The following MAGI2 variants were observed in gnomAD, a reference collection of about 807,000 sequenced individuals.
MAGI2 encodes membrane-associated guanylate kinase, WW and PDZ domain-containing protein 2.
A neutral mutation model predicts 133.3 loss-of-function variants in MAGI2; 35 were observed. That is an observed-to-expected ratio of 0.26 (90% CI 0.20 to 0.35). MAGI2 has a LOEUF of 0.35. Among genes scored for constraint, MAGI2 ranks in the 10% least tolerant of loss-of-function variants. The probability of loss-of-function intolerance (pLI) is 1.00; values close to 1 mark genes in which losing one functional copy is unlikely to be tolerated. For missense variants in MAGI2, 1,636 were observed against 1,863.4 expected (o/e 0.88, Z 2.25); for synonymous variants, 729 against 710.6 (o/e 1.03, Z -0.41).
chr7:78,640,437 A>G (rs577948421), intron 2 of MAGI2, among the ~76,000 whole-genome samples: 3 of 152,378 alleles, frequency 2.0e-5, no homozygotes, highest in South Asian at 4.1e-4. Context: ...GAAATTTTAA[A>G]AGAGAGCTAA....
chr7:78,731,315 C>A (rs2151225618), intron 2 of MAGI2, among the ~76,000 whole-genome samples: 1 of 152,186 alleles, frequency 6.6e-6, no homozygotes, highest in South Asian at 2.1e-4. Flanking sequence ...TCCTACACAC[C>A]ATCTGTGTCT....
At chr7:79,074,595 G>C (rs1297490476) in intron 1 of MAGI2, among the ~76,000 whole-genome samples, 2 of 152,170 alleles carry the variant, frequency 1.3e-5, no homozygotes, top group Non-Finnish European at 2.9e-5. Context: ...AGCTCAAATG[G>C]TTGGCTGAAA....
intron 1 of MAGI2, among the ~76,000 whole-genome samples, chr7:79,337,200 A>C (rs1472944660): frequency 6.6e-6 from 1 of 152,178 alleles, no homozygotes; most frequent in South Asian, 2.1e-4. Flanking sequence ...AAGAAACACC[A>C]AAAAGTCTAT....
intron 6 of MAGI2, among the ~76,000 whole-genome samples, chr7:78,387,268 T>A (rs1167085482): frequency 6.6e-6 from 1 of 152,262 alleles, no homozygotes; most frequent in African/African-American, 2.4e-5. Flanking sequence ...GGACTCAGGG[T>A]GTGAAGTCTT....
At chr7:78,518,497 G>A (rs1191515666) in intron 4 of MAGI2, 3 of 152,084 alleles carry the variant, frequency 2.0e-5, no homozygotes, top group East Asian at 3.9e-4. Flanking sequence ...ATGAGGTTAG[G>A]CCACTCCTAA....
At chr7:78,232,000 G>A (rs1790027570) in intron 10 of MAGI2, among the ~76,000 whole-genome samples, 1 of 151,956 alleles carries the variant, frequency 6.6e-6, no homozygotes, top group Admixed American at 6.6e-5. Context: ...CTGGTGTTTG[G>A]GGGAGGGTGG....
chr7:78,354,482 A>G (rs1038528223), intron 7 of MAGI2, among the ~76,000 whole-genome samples: 22 of 152,164 alleles, frequency 1.4e-4, no homozygotes, highest in Non-Finnish European at 5.9e-5. Context: ...TTATCCAGGA[A>G]GGAGGGAATC....
chr7:78,066,889 T>C (rs564510989), intron 21 of MAGI2, among the ~76,000 whole-genome samples: 33 of 152,352 alleles, frequency 2.2e-4, no homozygotes, highest in South Asian at 1.0e-3. Context: ...CAGCAAACAC[T>C]GATTCTCCCC....
chr7:79,153,759 C>G (rs1205838196), intron 1 of MAGI2, among the ~76,000 whole-genome samples: 1 of 152,090 alleles, frequency 6.6e-6, no homozygotes, highest in Non-Finnish European at 1.5e-5. Context: ...GGAGGACAGG[C>G]TGAAGAGCAA....
At chr7:78,826,968 C>G (rs1444964207) in intron 2 of MAGI2, among the ~76,000 whole-genome samples, 4 of 151,894 alleles carry the variant, frequency 2.6e-5, no homozygotes, top group Non-Finnish European at 5.9e-5. Flanking sequence ...TACAGACATG[C>G]AAGGAGAGGA....
intron 2 of MAGI2, among the ~76,000 whole-genome samples, chr7:78,938,058 A>G (rs1402566925): frequency 6.6e-6 from 1 of 152,180 alleles, no homozygotes; most frequent in Non-Finnish European, 1.5e-5. Flanking sequence ...ATGGCAAAAT[A>G]TAAGTGACTG....
chr7:79,049,089 C>T (rs1052116931), intron 1 of MAGI2, among the ~76,000 whole-genome samples: 5 of 152,082 alleles, frequency 3.3e-5, no homozygotes, highest in Admixed American at 6.6e-5. Flanking sequence ...CATGCTCCAC[C>T]TCTAGGGAAG....
At chr7:78,326,626 C>G (rs1788613737) in intron 9 of MAGI2, among the ~76,000 whole-genome samples, 1 of 152,158 alleles carries the variant, frequency 6.6e-6, no homozygotes, top group African/African-American at 2.4e-5. Context: ...CTGTTTGTTT[C>G]AGAACGACAG....
At chr7:78,762,075 A>C (rs1326965883) in intron 2 of MAGI2, among the ~76,000 whole-genome samples, 1 of 152,168 alleles carries the variant, frequency 6.6e-6, no homozygotes, top group African/African-American at 2.4e-5. Context: ...AGTCTCTTAG[A>C]GAAAAATATT....
intron 1 of MAGI2, among the ~76,000 whole-genome samples, chr7:79,344,147 G>T (rs553007232): frequency 6.6e-6 from 1 of 151,866 alleles, no homozygotes. Flanking sequence ...AACTAGAGAT[G>T]TAACAACTAA....
At chr7:78,141,376 A>G (rs1354504284) in intron 16 of MAGI2, among the ~76,000 whole-genome samples, 1 of 152,192 alleles carries the variant, frequency 6.6e-6, no homozygotes, top group Non-Finnish European at 1.5e-5. Context: ...CTTCCTAAAA[A>G]TTCTGCCTTC....
intron 1 of MAGI2, among the ~76,000 whole-genome samples, chr7:79,438,114 C>G (rs367642596): frequency 5.3e-5 from 8 of 152,098 alleles, no homozygotes; most frequent in Non-Finnish European, 1.0e-4. Context: ...ACTGTAAAAA[C>G]AATACATCTG....
At chr7:78,271,437 A>G (rs999099949) in intron 9 of MAGI2, among the ~76,000 whole-genome samples, 2 of 152,108 alleles carry the variant, frequency 1.3e-5, no homozygotes, top group African/African-American at 4.8e-5. Flanking sequence ...TGTCTCTGCC[A>G]GGTTTTGGTT....
intron 6 of MAGI2, among the ~76,000 whole-genome samples, chr7:78,464,251 C>T (rs536140144): frequency 7.2e-5 from 11 of 152,158 alleles, no homozygotes; most frequent in African/African-American, 2.7e-4. Context: ...TGCTTTAACC[C>T]ACTTCTATTT....
Sources: gnomAD v4.1 joint callset for allele counts (sites outside exome capture counted in the v4.1 genomes callset) on GRCh38, gnomAD v4.1.1 for gene constraint, MANE v1.5 for transcripts, NCBI Gene and HGNC (gene_info 2026-07-23, HGNC 2026-07-21) for gene names.